Variants in PKP4 observed in about 807,000 individuals in gnomAD.
The protein encoded by PKP4 is plakophilin-4.
Under a neutral mutation model 145.1 loss-of-function variants are expected in PKP4, and 90 were observed. The ratio of observed to expected loss-of-function variants is 0.62; its 90% CI spans 0.52 to 0.74. The LOEUF (loss-of-function observed/expected upper bound fraction) is 0.74, where lower values mean the gene tolerates loss of function less well. Among genes scored for constraint, PKP4 ranks in the 30% least tolerant of loss-of-function variants. The probability of loss-of-function intolerance (pLI) is 0.00; values close to 1 mark genes in which losing one functional copy is unlikely to be tolerated. For synonymous variants in PKP4, 563 were observed against 577.2 expected (o/e 0.98, Z 0.35); for missense variants, 1,340 against 1,482.7 (o/e 0.90, Z 1.58).
chr2:158,640,580 T>C (rs2054195640), intron 9 of PKP4, 47 bp from the exon 10 acceptor site: 2 of 1,598,986 alleles, frequency 1.3e-6, no homozygotes, highest in South Asian at 2.3e-5. Flanking sequence ...TCAGTGTATT[T>C]TTACAACATG....
intron 13 of PKP4, among the ~76,000 whole-genome samples, chr2:158,661,975 G>C (rs1328081036): frequency 6.6e-6 from 1 of 152,150 alleles, no homozygotes; most frequent in East Asian, 1.9e-4. Flanking sequence ...CTGTGCCCGA[G>C]TACAGGGCAT....
chr2:158,499,080 G>C (rs1696176426), intron 1 of PKP4, among the ~76,000 whole-genome samples: 1 of 152,176 alleles, frequency 6.6e-6, no homozygotes. Context: ...AGAGCCTGCG[G>C]TAGGGGTGCC....
intron 2 of PKP4, among the ~76,000 whole-genome samples, chr2:158,557,360 A>G (rs552290571): frequency 1.3e-5 from 2 of 152,182 alleles, no homozygotes; most frequent in African/African-American, 2.4e-5. Flanking sequence ...ATTTGACTTT[A>G]TCATAAATTG....
At chr2:158,608,503 G>C (rs185270658) in intron 4 of PKP4, among the ~76,000 whole-genome samples, 335 of 152,220 alleles carry the variant, frequency 2.2e-3, no homozygotes, top group African/African-American at 7.8e-3. Flanking sequence ...TAACTGCATA[G>C]TTCCTTATTT....
At chr2:158,583,007 GTA>G (rs897137787) in intron 3 of PKP4, among the ~76,000 whole-genome samples, 12 of 152,184 alleles carry the variant, frequency 7.9e-5, no homozygotes, top group Non-Finnish European at 1.6e-4. Flanking sequence ...GGTGCATAGT[GTA>G]TACATCTTAG....
chr2:158,489,462 A>G (rs1694636676), intron 1 of PKP4, among the ~76,000 whole-genome samples: 2 of 152,168 alleles, frequency 1.3e-5, no homozygotes, highest in South Asian at 2.1e-4. Context: ...TTGTTCCTCC[A>G]GTGGAGTTGG....
chr2:158,552,872 G>T (rs1396397084), intron 2 of PKP4, among the ~76,000 whole-genome samples: 1 of 152,092 alleles, frequency 6.6e-6, no homozygotes, highest in Admixed American at 6.6e-5. Context: ...AGTGAAATAA[G>T]CACATATTGT....
chr2:158,642,980 CA>C (rs1163761929), intron 11 of PKP4, among the ~76,000 whole-genome samples: 10 of 152,240 alleles, frequency 6.6e-5, no homozygotes, highest in African/African-American at 2.4e-4. Context: ...ACATTTTTTA[CA>C]TGTATTTCAT....
rs561585862 is a variant in PKP4 at position 158,562,029 on chromosome 2, C to G, written c.133-15242C>G. 6.6e-4 allele frequency among the ~76,000 whole-genome samples: 97 copies of G among 147,570 alleles called. 1 individual carries two copies. The Middle Eastern group carries it at 0.019, about 29-fold the overall frequency. On this transcript the variant is annotated intron_variant, in intron 2 of 21. Coordinates refer to ENST00000389759, the MANE Select transcript of PKP4 (RefSeq NM_003628.6). ...TCGTTTAAATTACAGAAGAAAAAGT[C>G]ATAGAACTGTTTTCATCCTGGGAGA...
intron 11 of PKP4, among the ~76,000 whole-genome samples, chr2:158,647,488 T>C (rs915934974): frequency 6.6e-6 from 1 of 152,216 alleles, no homozygotes; most frequent in Non-Finnish European, 1.5e-5. Flanking sequence ...TTTTAGCTGT[T>C]TTTTATAAAG....
chr2:158,569,000 G>A (rs1475933515), intron 2 of PKP4, among the ~76,000 whole-genome samples: 1 of 152,084 alleles, frequency 6.6e-6, no homozygotes, highest in African/African-American at 2.4e-5. Context: ...TGTGGGTGGG[G>A]TATGTAGGAA....
At chr2:158,508,366 CAAAAAAAAA>C (rs747754927) in intron 1 of PKP4, among the ~76,000 whole-genome samples, 2 of 115,888 alleles carry the variant, frequency 1.7e-5, no homozygotes, top group Non-Finnish European at 3.6e-5. Context: ...AACTCCGTCT[CAAAAAAAAA>C]AAAAAAAAAA....
chr2:158,637,834 G>A (rs564302950), intron 9 of PKP4, among the ~76,000 whole-genome samples: 2 of 152,348 alleles, frequency 1.3e-5, no homozygotes, highest in Admixed American at 6.5e-5. Flanking sequence ...AGCAAATCCT[G>A]GCAGGCATTG....
chr2:158,470,554 T>C (rs1691402522), intron 1 of PKP4, among the ~76,000 whole-genome samples: 1 of 152,200 alleles, frequency 6.6e-6, no homozygotes, highest in Admixed American at 6.5e-5. Context: ...CAACACAATC[T>C]AATTCATTAT....
intron 2 of PKP4, among the ~76,000 whole-genome samples, chr2:158,565,090 C>T (rs2046861480): frequency 6.6e-6 from 1 of 152,188 alleles, no homozygotes; most frequent in African/African-American, 2.4e-5. Flanking sequence ...TTGGGCAAGT[C>T]ATTTACTTTG....
intron 21 of PKP4, among the ~76,000 whole-genome samples, chr2:158,679,613 C>T (rs2058297668): frequency 6.6e-6 from 1 of 152,132 alleles, no homozygotes; most frequent in Non-Finnish European, 1.5e-5. Context: ...TAATCAAGAA[C>T]ATAGACATAA....
intron 3 of PKP4, among the ~76,000 whole-genome samples, chr2:158,584,743 G>A (rs2105802320): frequency 6.6e-6 from 1 of 152,296 alleles, no homozygotes; most frequent in East Asian, 1.9e-4. Flanking sequence ...GATCATCTTA[G>A]AATTCTAGAA....
intron 16 of PKP4, among the ~76,000 whole-genome samples, chr2:158,667,985 G>A (rs1260195922): frequency 6.6e-6 from 1 of 152,196 alleles, no homozygotes; most frequent in African/African-American, 2.4e-5. Flanking sequence ...CCTGTGGCCT[G>A]TCATATTTCA....
chr2:158,583,505 A>G (rs772509757), intron 3 of PKP4, among the ~76,000 whole-genome samples: 3 of 152,212 alleles, frequency 2.0e-5, no homozygotes, highest in Non-Finnish European at 4.4e-5. Context: ...AGAGATAACT[A>G]CTATACATTT....
Sources: gnomAD v4.1 joint callset for allele counts (sites outside exome capture counted in the v4.1 genomes callset) on GRCh38, gnomAD v4.1.1 for gene constraint, MANE v1.5 for transcripts, NCBI Gene and HGNC (gene_info 2026-07-23, HGNC 2026-07-21) for gene names.